Variants in DCAKD observed in about 807,000 individuals in gnomAD.
The protein encoded by DCAKD is dephospho-CoA kinase domain-containing protein.
DCAKD carries 15 observed loss-of-function variants against 18.7 expected under a neutral mutation model. That is an observed-to-expected ratio of 0.80 (90% CI 0.54 to 1.24). DCAKD has a LOEUF of 1.24. DCAKD is among the 50% of genes most tolerant of loss of function. DCAKD has a pLI of 0.00. For missense variants in DCAKD, 301 were observed against 322.0 expected, an observed-to-expected ratio of 0.93 and a Z score of 0.50; for synonymous variants, 130 against 133.0, an observed-to-expected ratio of 0.98 and a Z score of 0.16.
At position 45,044,653 on chromosome 17, in the gene DCAKD, T is replaced by C. The variant is rs1466676011; in HGVS notation, c.-115+6708A>G. On this transcript the variant is annotated intron_variant, in intron 1 of 4. Transcript: ENST00000651974. ...GTTGCAGTGAGCCGAGATTGTGCCATTGCACTCTAGCCTGGGAGACAGAGA... is the reference window on the plus strand; with the variant it reads ...GTTGCAGTGAGCCGAGATTGTGCCACTGCACTCTAGCCTGGGAGACAGAGA... Among the ~76,000 whole-genome samples, 5 of 151,632 alleles carry C rather than the reference T, an allele frequency of 3.3e-5. No individual in the cohort carries two copies. The East Asian group carries it at 9.7e-4, about 29-fold the overall frequency.
rs1021392483 is a variant in DCAKD, at chr17:45,031,189, G to A, written c.317-1010C>T. 10 of 985,228 alleles carry A rather than the reference G, an allele frequency of 1.0e-5. No individual in the cohort carries two copies. The Admixed American group carries it at 2.5e-4, about 24-fold the overall frequency. The allele number at this position is 985,228 out of a possible 1,614,324, so 61.0% of individuals were successfully genotyped here. A position where few individuals can be genotyped will look rare whatever the true frequency, so the allele number is the denominator to read the frequency against. On this transcript the variant is annotated intron_variant, in intron 3 of 4. Coordinates refer to ENST00000651974, the MANE Select transcript of DCAKD (RefSeq NM_001288655.2). ...GACACACATCACACCAATTCCAAGGGTGTCACGGGAAACTTGCACTCAAAG... is the reference window on the plus strand; with the variant it reads ...GACACACATCACACCAATTCCAAGGATGTCACGGGAAACTTGCACTCAAAG...
chr17:45,028,213 A>C (rs2053097852), intron 4 of DCAKD, among the ~76,000 whole-genome samples: 1 of 149,030 alleles, frequency 6.7e-6, no homozygotes, highest in African/African-American at 2.5e-5. Flanking sequence ...GGTTCACACC[A>C]TTCTCCTGTC....
At chr17:45,026,803 A>T (rs1333213281) in intron 4 of DCAKD, 1 of 985,292 alleles carries the variant, frequency 1.0e-6, no homozygotes, top group Non-Finnish European at 1.2e-6. Context: ...AGCCTTCATC[A>T]GGGAGACCAC....
At chr17:45,041,944 T>G (rs1277290991) in intron 1 of DCAKD, among the ~76,000 whole-genome samples, 14 of 150,006 alleles carry the variant, frequency 9.3e-5, no homozygotes, top group Non-Finnish European at 1.9e-4. Context: ...CAAAGCGAGA[T>G]CCTGTCTCTT....
Position 45,051,446 on chromosome 17 carries a change from T to C in DCAKD, c.-200A>G, listed in dbSNP as rs1026902050. 3 of 151,892 alleles carry C rather than the reference T, an allele frequency of 2.0e-5. No individual in the cohort carries two copies. The highest frequency in any genetic ancestry group is 6.6e-5 in the Admixed American group (1 of 15,252). 9.4% of individuals were successfully genotyped at this position (151,892 alleles called of 1,614,324 possible). A position where few individuals can be genotyped will look rare whatever the true frequency, so the allele number is the denominator to read the frequency against. On this transcript the variant is annotated 5_prime_UTR_variant, in exon 1 of 5. Transcript: ENST00000651974. ...CCGTACGCCCCACTAGGCCGCGAAA[T>C]TGGGTCGCCCGGGGCGGTGGCAGCC...
chr17:45,047,546 C>T (rs2053598220), intron 1 of DCAKD, among the ~76,000 whole-genome samples: 1 of 140,922 alleles, frequency 7.1e-6, no homozygotes, highest in South Asian at 2.2e-4. Context: ...CACCCTGTTG[C>T]CCAGGCTGGA....
At chr17:45,025,009 CTTTTTT>C (rs747194341) in intron 4 of DCAKD, among the ~76,000 whole-genome samples, 1 of 113,304 alleles carries the variant, frequency 8.8e-6, no homozygotes, top group Non-Finnish European at 1.8e-5. Flanking sequence ...GGCCACAGCT[CTTTTTT>C]TTTTTTTTTT....
chr17:45,024,230 T>C lies in DCAKD; in HGVS notation c.*203A>G. On this transcript the variant is annotated 3_prime_UTR_variant, in exon 5 of 5. Coordinates refer to ENST00000651974, the MANE Select transcript of DCAKD (RefSeq NM_001288655.2). Reference sequence around the variant, plus strand: ...GGCTATTTCTTGATCTCAAATAGGATACACTCCAAAGACGGGATGGCCTGG... The same window carrying C: ...GGCTATTTCTTGATCTCAAATAGGACACACTCCAAAGACGGGATGGCCTGG... The C allele has an allele frequency of 1.6e-6, 1 of 634,826 alleles. No individual in the cohort carries two copies. The highest frequency in any genetic ancestry group is 2.6e-6 in the Non-Finnish European group (1 of 386,598). The allele number at this position is 634,826 out of a possible 1,614,324, so 39.3% of individuals were successfully genotyped here. A position where few individuals can be genotyped will look rare whatever the true frequency, so the allele number is the denominator to read the frequency against.
chr17:45,057,637 A>G (rs1357612049), intron 1 of DCAKD, among the ~76,000 whole-genome samples: 3 of 148,156 alleles, frequency 2.0e-5, no homozygotes, highest in African/African-American at 7.5e-5. Context: ...CAGGAGGCAG[A>G]GGTTGCAGTG....
intron 1 of DCAKD, among the ~76,000 whole-genome samples, chr17:45,058,093 T>C (rs181637964): frequency 6.7e-6 from 1 of 149,144 alleles, no homozygotes; most frequent in African/African-American, 2.5e-5. Flanking sequence ...GGCAGGTGGA[T>C]TACCTGAGGT....
chr17:45,031,798 A>G (rs889693601), intron 3 of DCAKD: 3 of 985,286 alleles, frequency 3.0e-6, no homozygotes, highest in African/African-American at 3.5e-5. Context: ...TGACTCTATT[A>G]AGACATCCGT....
upstream of DCAKD, among the ~76,000 whole-genome samples, chr17:45,052,702 A>C (rs949651066): frequency 2.6e-5 from 4 of 151,768 alleles, no homozygotes; most frequent in Non-Finnish European, 2.9e-5. Context: ...CTACAAAAAA[A>C]AAAAACAAAA....
chr17:45,049,679 A>T (rs951476722), intron 1 of DCAKD, among the ~76,000 whole-genome samples: 6 of 151,490 alleles, frequency 4.0e-5, no homozygotes, highest in Non-Finnish European at 8.8e-5. Flanking sequence ...ATCAATCTAA[A>T]ACTGTGCCAG....
chr17:45,041,747 G>T (rs1055979791), intron 1 of DCAKD, among the ~76,000 whole-genome samples: 1 of 152,158 alleles, frequency 6.6e-6, no homozygotes, highest in South Asian at 2.1e-4. Context: ...AAGGGGTGGT[G>T]GGGGGAGCAG....
chr17:45,059,250 A>C (rs1005663919), intron 1 of DCAKD, among the ~76,000 whole-genome samples: 1 of 124,570 alleles, frequency 8.0e-6, no homozygotes. Context: ...TCCGTCTCAG[A>C]AAAAAAAAAG....
chr17:45,032,781 CAA>C (rs552915127), intron 3 of DCAKD, among the ~76,000 whole-genome samples: 5 of 138,432 alleles, frequency 3.6e-5, no homozygotes, highest in Admixed American at 7.2e-5. Flanking sequence ...GACTCCATCT[CAA>C]AAAAAAAAAA....
chr17:45,050,065 G>A (rs1041514947), intron 1 of DCAKD, among the ~76,000 whole-genome samples: 8 of 139,376 alleles, frequency 5.7e-5, no homozygotes, highest in African/African-American at 2.2e-4. Context: ...TTTTGAGAAG[G>A]AGTCTCACTC....
At chr17:45,032,982 C>T (rs2053204445) in intron 3 of DCAKD, among the ~76,000 whole-genome samples, 1 of 152,168 alleles carries the variant, frequency 6.6e-6, no homozygotes, top group African/African-American at 2.4e-5. Flanking sequence ...TGTTCTCCCT[C>T]CCACTTCTGG....
chr17:45,026,277 G>C (rs2053055167), intron 4 of DCAKD, among the ~76,000 whole-genome samples: 1 of 144,410 alleles, frequency 6.9e-6, no homozygotes, highest in Admixed American at 7.1e-5. Flanking sequence ...ACCTAGGCTG[G>C]AGCGCAGTGG....
Sources: gnomAD v4.1 joint callset for allele counts (sites outside exome capture counted in the v4.1 genomes callset) on GRCh38, gnomAD v4.1.1 for gene constraint, MANE v1.5 for transcripts, NCBI Gene and HGNC (gene_info 2026-07-23, HGNC 2026-07-21) for gene names.